PARVA: variants seen among roughly 807,000 people sequenced by gnomAD.
PARVA encodes the protein parvin alpha.
In PARVA, 25 loss-of-function variants were observed where a neutral mutation model predicts 52.6. The ratio of observed to expected loss-of-function variants is 0.48; its 90% CI spans 0.35 to 0.66. PARVA has a LOEUF of 0.66. Ranked by LOEUF, PARVA falls within the 30% of genes least tolerant of loss-of-function variation. The pLI, the probability that PARVA is intolerant of heterozygous loss-of-function variation, is 0.01. For missense variants in PARVA, 373 were observed against 450.9 expected, an observed-to-expected ratio of 0.83 and a Z score of 1.56; for synonymous variants, 185 against 179.1, an observed-to-expected ratio of 1.03 and a Z score of -0.26.
intron 6 of PARVA, among the ~76,000 whole-genome samples, chr11:12,506,336 A>T (rs1941430748): frequency 1.3e-5 from 2 of 152,244 alleles, no homozygotes; most frequent in Admixed American, 1.3e-4. Flanking sequence ...TAGAGGAGAT[A>T]AATACTTTTA....
intron 1 of PARVA, among the ~76,000 whole-genome samples, chr11:12,469,066 A>G (rs1411859793): frequency 6.6e-6 from 1 of 152,188 alleles, no homozygotes; most frequent in African/African-American, 2.4e-5. Context: ...TTCAGCAGGG[A>G]AAACGGATAA....
chr11:12,426,100 C>T (rs773222175), intron 1 of PARVA, among the ~76,000 whole-genome samples: 7 of 152,058 alleles, frequency 4.6e-5, no homozygotes, highest in South Asian at 4.1e-4. Context: ...CCGGGGGAGA[C>T]GTATTAAACA....
intron 1 of PARVA, among the ~76,000 whole-genome samples, chr11:12,452,089 C>T (rs1940630404): frequency 6.6e-6 from 1 of 151,928 alleles, no homozygotes; most frequent in African/African-American, 2.4e-5. Context: ...TGCAGATGAA[C>T]TGGTCCCGGC....
chr11:12,503,685 G>A (rs1410239827), intron 5 of PARVA, among the ~76,000 whole-genome samples: 2 of 151,958 alleles, frequency 1.3e-5, no homozygotes, highest in African/African-American at 4.8e-5. Flanking sequence ...AGTGAGCTAG[G>A]ATTGTACCAC....
At chr11:12,432,508 C>T (rs6485741) in intron 1 of PARVA, among the ~76,000 whole-genome samples, 27,925 of 152,094 alleles carry the variant, frequency 0.18, 4,667 homozygotes, top group African/African-American at 0.45. Flanking sequence ...ATGGCTCTGC[C>T]GTTAACCGTT....
At chr11:12,407,489 A>C (rs1939929892) in intron 1 of PARVA, among the ~76,000 whole-genome samples, 1 of 152,226 alleles carries the variant, frequency 6.6e-6, no homozygotes, top group Admixed American at 6.5e-5. Flanking sequence ...TGCCCAGTAA[A>C]CAGTTCTTTC....
intron 12 of PARVA, among the ~76,000 whole-genome samples, chr11:12,519,458 A>G (rs756684923): frequency 5.3e-5 from 8 of 152,164 alleles, no homozygotes; most frequent in Non-Finnish European, 1.0e-4. Flanking sequence ...CAGGGAAGAG[A>G]AAAGTTGGAG....
intron 1 of PARVA, among the ~76,000 whole-genome samples, chr11:12,383,910 C>A (rs1939531381): frequency 6.6e-6 from 1 of 152,086 alleles, no homozygotes; most frequent in Non-Finnish European, 1.5e-5. Context: ...ACAATGGCAC[C>A]CATGTTGTTG....
chr11:12,452,856 G>A (rs1940642742), intron 1 of PARVA: 13 of 343,390 alleles, frequency 3.8e-5, no homozygotes, highest in South Asian at 1.8e-4. Context: ...GAGTTGTGCC[G>A]AGCAGGAGGC....
At chr11:12,458,690 C>G (rs1940732207) in intron 1 of PARVA, among the ~76,000 whole-genome samples, 1 of 152,206 alleles carries the variant, frequency 6.6e-6, no homozygotes, top group Non-Finnish European at 1.5e-5. Context: ...CCTACCCCCT[C>G]TGTGGCAGCC....
rs117995914 is a variant in PARVA at position 12,441,445 on chromosome 11, C to T, written c.137-32300C>T. On this transcript the variant is annotated intron_variant, in intron 1 of 12. Transcript: ENST00000334956. ...ATGACTTAATTGACCAAGAGAAGAC[C>T]GCCCAGCTAAATCTCACAGAATACA... Among the ~76,000 whole-genome samples the T allele has an allele frequency of 7.2e-4, 109 of 152,000 alleles. No homozygotes were observed. The East Asian group carries it at 0.017, about 24-fold the overall frequency.
At chr11:12,501,708 C>T (rs182112216) in intron 5 of PARVA, among the ~76,000 whole-genome samples, 19 of 152,278 alleles carry the variant, frequency 1.2e-4, no homozygotes, top group Admixed American at 1.2e-3. Context: ...ACAGTAACAT[C>T]TTTGTACACG....
At chr11:12,482,156 CAAAA>C (rs60933434) in intron 4 of PARVA, among the ~76,000 whole-genome samples, 22 of 60,638 alleles carry the variant, frequency 3.6e-4, no homozygotes, top group African/African-American at 9.3e-4. Context: ...AACCCTGTCT[CAAAA>C]AAAAAAAAAA....
chr11:12,449,248 G>T (rs933933), intron 1 of PARVA, among the ~76,000 whole-genome samples: 2 of 151,936 alleles, frequency 1.3e-5, no homozygotes, highest in African/African-American at 4.8e-5. Context: ...CTGCCTCTCC[G>T]GCTCAAGTGA....
At chr11:12,508,001 C>T (rs150265663) in intron 6 of PARVA, among the ~76,000 whole-genome samples, 3 of 148,996 alleles carry the variant, frequency 2.0e-5, no homozygotes, top group East Asian at 2.0e-4. Context: ...GACGGACGGA[C>T]GGACGAGTTT....
chr11:12,439,695 C>T (rs941036024), intron 1 of PARVA, among the ~76,000 whole-genome samples: 15 of 152,292 alleles, frequency 9.8e-5, no homozygotes, highest in Admixed American at 6.5e-4. Flanking sequence ...GCCCATGCTG[C>T]TCCTCCCACC....
chr11:12,376,771 G>C, upstream of PARVA: 1 of 967,676 alleles, frequency 1.0e-6, no homozygotes, highest in Non-Finnish European at 1.2e-6. Flanking sequence ...ATCATTTCCA[G>C]TATGAGTCCT....
intron 4 of PARVA, among the ~76,000 whole-genome samples, chr11:12,490,763 TAGAATC>T (rs765291787): frequency 6.6e-6 from 1 of 152,162 alleles, no homozygotes; most frequent in Non-Finnish European, 1.5e-5. Context: ...TAAAACAAGA[TAGAATC>T]AGAATCCCAT....
intron 1 of PARVA, among the ~76,000 whole-genome samples, 179 bp from the exon 2 acceptor site, chr11:12,473,566 G>A (rs1380905158): frequency 6.6e-6 from 1 of 152,090 alleles, no homozygotes; most frequent in East Asian, 1.9e-4. Flanking sequence ...GAGATTAAGG[G>A]GACAATTAGG....
Sources: allele counts gnomAD v4.1 joint callset (sites outside exome capture counted in the v4.1 genomes callset), GRCh38; gene constraint gnomAD v4.1.1; transcripts MANE v1.5; gene names NCBI Gene and HGNC (gene_info 2026-07-23, HGNC 2026-07-21).